Variants in OR10R2 observed in about 807,000 individuals in gnomAD.
OR10R2 encodes olfactory receptor family 10 subfamily R member 2.
In OR10R2, 1 loss-of-function variant was observed where a neutral mutation model predicts 2.4. The ratio of observed to expected loss-of-function variants is 0.41; its 90% CI spans 0.15 to 1.95. The LOEUF is 1.95. OR10R2 is among the 30% of genes most tolerant of loss of function. OR10R2 has a pLI of 0.30. For missense variants in OR10R2, 419 were observed against 373.0 expected (o/e 1.12, Z -1.01); for synonymous variants, 166 against 144.8 (o/e 1.15, Z -1.05).
chr1:158,473,212 G>C (rs1306302595), intron 1 of OR10R2, among the ~76,000 whole-genome samples: 1 of 152,104 alleles, frequency 6.6e-6, no homozygotes, highest in East Asian at 1.9e-4. Flanking sequence ...ATTTGTTCTT[G>C]CTAGAAACTC....
At chr1:158,475,915 T>G (rs956041470) in intron 1 of OR10R2, among the ~76,000 whole-genome samples, 1 of 152,048 alleles carries the variant, frequency 6.6e-6, no homozygotes, top group Non-Finnish European at 1.5e-5. Context: ...ATGTATTTAT[T>G]AAGTTACTAT....
intron 1 of OR10R2, among the ~76,000 whole-genome samples, chr1:158,477,513 T>G (rs1656293249): frequency 6.6e-6 from 1 of 152,076 alleles, no homozygotes; most frequent in African/African-American, 2.4e-5. Context: ...ATCAATAATG[T>G]CTAGACTGAG....
intron 1 of OR10R2, among the ~76,000 whole-genome samples, chr1:158,475,708 A>G (rs1656256125): frequency 6.6e-6 from 1 of 151,550 alleles, no homozygotes; most frequent in Non-Finnish European, 1.5e-5. Flanking sequence ...CTTTCTGTAA[A>G]TAAATATTTT....
intron 1 of OR10R2, among the ~76,000 whole-genome samples, chr1:158,476,733 AT>A (rs764653816): frequency 8.5e-5 from 13 of 152,154 alleles, no homozygotes; most frequent in African/African-American, 1.2e-4. Flanking sequence ...GTGATGGATC[AT>A]TTCAATGTGT....
At chr1:158,480,851 T>C (rs1321121176) in exon 2 of OR10R2, 5 of 1,571,528 alleles carry the variant, frequency 3.2e-6, no homozygotes, top group African/African-American at 1.4e-5. Flanking sequence ...AGAAAAGTGT[T>C]GGGCAAGAAA....
At chr1:158,480,736 G>A (rs768730086) in exon 2 of OR10R2, 1 of 1,613,180 alleles carries the variant, frequency 6.2e-7, no homozygotes. Context: ...AGCAAACTAT[G>A]TGTCCAACAA....
chr1:158,480,163 G>A (rs1054042209), exon 2 of OR10R2: 6 of 1,614,032 alleles, frequency 3.7e-6, no homozygotes, highest in Non-Finnish European at 5.1e-6. Context: ...CTACACCTTT[G>A]TCATTCTACC....
At chr1:158,473,381 A>G (rs1038594678) in intron 1 of OR10R2, among the ~76,000 whole-genome samples, 3 of 152,264 alleles carry the variant, frequency 2.0e-5, no homozygotes, top group African/African-American at 7.2e-5. Flanking sequence ...AAGTCCAAGA[A>G]TGAGTGTTTC....
chr1:158,473,273 G>C (rs757273359), intron 1 of OR10R2, among the ~76,000 whole-genome samples: 12 of 152,102 alleles, frequency 7.9e-5, no homozygotes, highest in Non-Finnish European at 1.5e-4. Context: ...TGCATGATAC[G>C]GAAACTTTTG....
At position 158,480,356 on chromosome 1, in the gene OR10R2, T is replaced by G. The variant is rs569807858; in HGVS notation, c.446T>G (p.Val149Gly). 7.2e-5 allele frequency: 117 copies of G among 1,614,116 alleles called. 1 individual carries two copies. The South Asian group carries it at 1.2e-3, about 16-fold the overall frequency. The change falls in exon 2 of 2, where the codon GTG becomes GGG. Residue 149 changes from valine (V) to glycine (G), a missense_variant. By Grantham distance (109) the Val-to-Gly change is moderately radical (BLOSUM62 -3). Transcript: ENST00000641067. ...TACCCCACTCTTATGAGCTGGCAGG[T>G]GTGTGGAAAACTGGCAGCTGCCTGT...
rs1319268932 is a variant in OR10R2 at position 158,480,653 on chromosome 1, C to T, written c.743C>T (p.Ser248Phe). The T allele has an allele frequency of 1.9e-6, 3 of 1,613,978 alleles. No individual in the cohort carries two copies. The South Asian group carries it at 3.3e-5, about 18-fold the overall frequency. The change falls in exon 2 of 2, where the codon TCC becomes TTC. Residue 248 changes from serine to phenylalanine, a missense_variant. By Grantham distance (155) the Ser-to-Phe change is radical. Transcript: ENST00000641067. ...GCTGAGGGCAGACGGAAAGCGTTTT[C>T]CACCTGCGCCTCTCACCTCAGTGTT...
chr1:158,474,057 G>A (rs1181637464), intron 1 of OR10R2, among the ~76,000 whole-genome samples: 1 of 149,218 alleles, frequency 6.7e-6, no homozygotes, highest in Non-Finnish European at 1.5e-5. Context: ...TAAGAAAATT[G>A]GAATTTTACA....
chr1:158,480,630 T>C, exon 2 of OR10R2: 1 of 1,613,976 alleles, frequency 6.2e-7, no homozygotes, highest in Non-Finnish European at 8.5e-7. Context: ...TTCCCTCAGC[T>C]GAGGGCAGAC....
chr1:158,479,534 G>A (rs974316845), intron 1 of OR10R2, among the ~76,000 whole-genome samples: 6 of 151,968 alleles, frequency 3.9e-5, no homozygotes, highest in Non-Finnish European at 8.8e-5. Context: ...GTTGTAGTAG[G>A]CCAAATAATG....
At chr1:158,476,423 C>T (rs1261310747) in intron 1 of OR10R2, among the ~76,000 whole-genome samples, 1 of 151,488 alleles carries the variant, frequency 6.6e-6, no homozygotes, top group Non-Finnish European at 1.5e-5. Context: ...TGGCAGGTGC[C>T]TGTAGTCCCA....
chr1:158,479,510 A>G (rs1656335650), intron 1 of OR10R2, among the ~76,000 whole-genome samples: 4 of 152,058 alleles, frequency 2.6e-5, no homozygotes, highest in African/African-American at 9.7e-5. Flanking sequence ...TCATTTTTAG[A>G]TTTTTTGTTG....
At chr1:158,474,716 C>T (rs1656239546) in intron 1 of OR10R2, 1 of 152,138 alleles carries the variant, frequency 6.6e-6, no homozygotes, top group Admixed American at 6.5e-5. Flanking sequence ...AGTATGCATG[C>T]ACACATACAC....
intron 1 of OR10R2, among the ~76,000 whole-genome samples, chr1:158,477,966 C>A (rs1425375406): frequency 6.6e-6 from 1 of 151,952 alleles, no homozygotes; most frequent in Non-Finnish European, 1.5e-5. Context: ...ACACATAGAC[C>A]AAAGGAACAT....
chr1:158,474,142 C>T (rs1449564317), intron 1 of OR10R2, among the ~76,000 whole-genome samples: 1 of 151,982 alleles, frequency 6.6e-6, no homozygotes, highest in Non-Finnish European at 1.5e-5. Flanking sequence ...GTCTCTGTGA[C>T]TGCCACTTCT....
Sources: allele counts gnomAD v4.1 joint callset (sites outside exome capture counted in the v4.1 genomes callset), GRCh38; gene constraint gnomAD v4.1.1; transcripts MANE v1.5; gene names NCBI Gene and HGNC (gene_info 2026-07-23, HGNC 2026-07-21).